Variants in ACER3 observed in about 807,000 individuals in gnomAD.
The protein encoded by ACER3 is alkCDase 3.
ACER3 carries 16 observed loss-of-function variants against 48.9 expected under a neutral mutation model. The ratio of observed to expected loss-of-function variants is 0.33; its 90% CI spans 0.22 to 0.50. The LOEUF (loss-of-function observed/expected upper bound fraction) is 0.50, where lower values mean the gene tolerates loss of function less well. Among genes scored for constraint, ACER3 ranks in the 20% least tolerant of loss-of-function variants. ACER3 has a pLI of 0.98. For missense variants in ACER3, 227 were observed against 326.0 expected (o/e 0.70, Z 2.34); for synonymous variants, 109 against 107.8 (o/e 1.01, Z -0.07).
intron 1 of ACER3, among the ~76,000 whole-genome samples, chr11:76,879,708 G>A (rs372592861): frequency 4.6e-5 from 7 of 152,154 alleles, no homozygotes; most frequent in African/African-American, 1.7e-4. Flanking sequence ...TAATATGACT[G>A]ATTAATTGAT....
intron 6 of ACER3, among the ~76,000 whole-genome samples, chr11:76,994,984 A>C (rs186087599): frequency 5.3e-5 from 8 of 152,280 alleles, no homozygotes; most frequent in African/African-American, 1.9e-4. Flanking sequence ...AAGGAAGTAA[A>C]AGGCCAAGGA....
intron 2 of ACER3, among the ~76,000 whole-genome samples, chr11:76,948,217 G>A (rs12575942): frequency 0.13 from 4,726 of 36,774 alleles, 176 homozygotes; most frequent in African/African-American, 0.2. Flanking sequence ...CACTCTGTGT[G>A]TGTGTGTGTG....
intron 2 of ACER3, among the ~76,000 whole-genome samples, chr11:76,953,427 G>A (rs942829418): frequency 6.6e-6 from 1 of 152,040 alleles, no homozygotes; most frequent in African/African-American, 2.4e-5. Flanking sequence ...GCAAAACCCT[G>A]TCTCTACTAA....
intron 2 of ACER3, among the ~76,000 whole-genome samples, chr11:76,943,749 A>AC (rs71043514): frequency 0.015 from 2,145 of 146,578 alleles, 27 homozygotes; most frequent in Middle Eastern, 0.031. Context: ...TGTGTTGAAG[A>AC]CCCCCCCCCC....
chr11:76,918,627 T>A (rs755830860), intron 1 of ACER3, among the ~76,000 whole-genome samples: 1 of 152,112 alleles, frequency 6.6e-6, no homozygotes, highest in Non-Finnish European at 1.5e-5. Flanking sequence ...ACAGCAAGAT[T>A]GTGGAAGTTC....
At chr11:76,998,063 G>A (rs1486208986) in intron 6 of ACER3, among the ~76,000 whole-genome samples, 1 of 152,146 alleles carries the variant, frequency 6.6e-6, no homozygotes, top group Non-Finnish European at 1.5e-5. Flanking sequence ...CTTCTTGGGG[G>A]TTAACAAGGA....
At chr11:76,897,915 A>G (rs1945976467) in intron 1 of ACER3, among the ~76,000 whole-genome samples, 1 of 152,228 alleles carries the variant, frequency 6.6e-6, no homozygotes, top group African/African-American at 2.4e-5. Context: ...GGGATATAGT[A>G]GAAGTTCTTT....
chr11:76,867,553 C>T (rs1227016606), intron 1 of ACER3, among the ~76,000 whole-genome samples: 1 of 148,246 alleles, frequency 6.7e-6, no homozygotes, highest in Non-Finnish European at 1.5e-5. Context: ...TATAAACAGG[C>T]ACATTTGTTT....
chr11:76,966,509 C>T (rs954190011), intron 3 of ACER3, among the ~76,000 whole-genome samples: 1 of 150,898 alleles, frequency 6.6e-6, no homozygotes, highest in South Asian at 2.1e-4. Flanking sequence ...AATATACATT[C>T]TTTTCAGCAC....
chr11:76,913,152 A>G (rs1946429291), intron 1 of ACER3, among the ~76,000 whole-genome samples: 1 of 152,098 alleles, frequency 6.6e-6, no homozygotes. Flanking sequence ...GAATTCACTC[A>G]TGATTTGGCT....
chr11:76,947,418 G>A (rs1463748145), intron 2 of ACER3, among the ~76,000 whole-genome samples: 1 of 152,186 alleles, frequency 6.6e-6, no homozygotes, highest in African/African-American at 2.4e-5. Flanking sequence ...CATATCTATA[G>A]TCTGTCACTG....
intron 1 of ACER3, among the ~76,000 whole-genome samples, chr11:76,923,140 A>G (rs1946729421): frequency 8.7e-6 from 1 of 114,892 alleles, no homozygotes; most frequent in Admixed American, 8.5e-5. Context: ...TACTCCCCAG[A>G]AGCAAAATTA....
intron 1 of ACER3, among the ~76,000 whole-genome samples, chr11:76,894,139 C>T (rs1007428972): frequency 6.6e-6 from 1 of 152,010 alleles, no homozygotes; most frequent in Non-Finnish European, 1.5e-5. Context: ...ATTAGCTGGG[C>T]GTGGTGGTAC....
chr11:76,875,406 G>A (rs1458558892), intron 1 of ACER3, among the ~76,000 whole-genome samples: 5 of 151,916 alleles, frequency 3.3e-5, no homozygotes, highest in East Asian at 1.9e-4. Context: ...GTGAGCCACC[G>A]CGCCCGGCCA....
intron 1 of ACER3, among the ~76,000 whole-genome samples, chr11:76,888,370 C>A (rs1945724642): frequency 6.6e-6 from 1 of 152,160 alleles, no homozygotes. Flanking sequence ...TTTCCCCAGT[C>A]TCTTACTTTC....
chr11:76,985,811 A>C (rs1448193552), intron 5 of ACER3, 87 bp downstream of exon 5: 1 of 713,890 alleles, frequency 1.4e-6, no homozygotes, highest in Non-Finnish European at 2.1e-6. Context: ...TATTTGCTTC[A>C]TGCTGTCAAA....
intron 2 of ACER3, among the ~76,000 whole-genome samples, chr11:76,950,381 A>T (rs1185888420): frequency 3.6e-5 from 1 of 27,884 alleles, no homozygotes; most frequent in Non-Finnish European, 8.4e-5. Context: ...ATATATATAT[A>T]TATATATATA....
intron 2 of ACER3, among the ~76,000 whole-genome samples, chr11:76,939,126 G>T (rs60495644): frequency 2.0e-5 from 3 of 152,028 alleles, no homozygotes; most frequent in African/African-American, 4.8e-5. Flanking sequence ...AAACACAAAT[G>T]GGGTGAGAAG....
intron 7 of ACER3, among the ~76,000 whole-genome samples, chr11:77,005,917 T>A (rs1437929508): frequency 2.1e-5 from 3 of 140,698 alleles, no homozygotes; most frequent in African/African-American, 7.7e-5. Context: ...GCCTTTATCC[T>A]GACCCATTTA....
Sources: gnomAD v4.1 joint callset for allele counts (sites outside exome capture counted in the v4.1 genomes callset) on GRCh38, gnomAD v4.1.1 for gene constraint, MANE v1.5 for transcripts, NCBI Gene and HGNC (gene_info 2026-07-23, HGNC 2026-07-21) for gene names.